RABEP1: variants seen among roughly 807,000 people sequenced by gnomAD.
The protein encoded by RABEP1 is rabaptin, RAB GTPase binding effector protein 1.
RABEP1 carries 51 observed loss-of-function variants against 123.4 expected under a neutral mutation model. The ratio of observed to expected loss-of-function variants is 0.41; its 90% CI spans 0.33 to 0.52. RABEP1 has a LOEUF of 0.52. Among genes scored for constraint, RABEP1 ranks in the 20% least tolerant of loss-of-function variants. RABEP1 has a pLI of 0.16. For missense variants in RABEP1, 888 were observed against 996.3 expected (o/e 0.89, Z 1.46); for synonymous variants, 347 against 355.2 (o/e 0.98, Z 0.26).
At chr17:5,317,087 C>T (rs527319926) in intron 2 of RABEP1, among the ~76,000 whole-genome samples, 1 of 152,052 alleles carries the variant, frequency 6.6e-6, no homozygotes, top group East Asian at 1.9e-4. Flanking sequence ...GGAGGAGACA[C>T]ATCCCCACTT....
rs757266535 is a variant in RABEP1 at position 5,362,940 on chromosome 17, G to C, written c.1592G>C (p.Arg531Thr). Residue 531 changes from arginine to threonine, a missense_variant, in exon 10 of 18, where the codon AGA becomes ACA. Coordinates refer to ENST00000537505, the MANE Select transcript of RABEP1 (RefSeq NM_004703.6). ...CATAATGCTGGAAATAAACTTGGTA[G>C]ACGTTGTGATATGTGTTCCAATTAC... ...EVHNAGNKLG[R>T]RCDMCSNYEK... The C allele has an allele frequency of 1.1e-5, 17 of 1,613,802 alleles. No homozygotes were observed. Among genetic ancestry groups the C allele is most frequent in the Non-Finnish European group, 1.4e-5 (16 of 1,179,812 alleles).
At chr17:5,331,801 G>A (rs1382632867) in intron 2 of RABEP1, 148 bp from the exon 3 acceptor site, 1 of 675,004 alleles carries the variant, frequency 1.5e-6, no homozygotes, top group Non-Finnish European at 2.5e-6. Context: ...ATTGATTTGT[G>A]ATACCCAGCT....
At chr17:5,365,054 T>C in intron 10 of RABEP1, 68 bp from the exon 11 acceptor site, 1 of 890,596 alleles carries the variant, frequency 1.1e-6, no homozygotes. Context: ...AATTCTGGAG[T>C]TAGATTTAAA....
chr17:5,384,560 AAAGTG>A lies in RABEP1; in HGVS notation c.*1340_*1344del. 1 of 216,708 alleles carries A rather than the reference AAAGTG, an allele frequency of 4.6e-6. No individual in the cohort carries two copies. Among genetic ancestry groups the A allele is most frequent in the Non-Finnish European group, 9.3e-6 (1 of 107,846 alleles). The allele number at this position is 216,708 out of a possible 1,614,324, so 13.4% of individuals were successfully genotyped here. A position where few individuals can be genotyped will look rare whatever the true frequency, so the allele number is the denominator to read the frequency against. Reference sequence around the variant, plus strand: ...GTTCACATAACGCCACCATCAACTTAAAGTGAATTGTCTTTGTTATAAATGAGGTC... The same window carrying A: ...GTTCACATAACGCCACCATCAACTTAAATTGTCTTTGTTATAAATGAGGTC... On this transcript the variant is annotated 3_prime_UTR_variant, in exon 18 of 18. Transcript: ENST00000537505.
At chr17:5,285,304 T>C (rs924804213) in intron 1 of RABEP1, among the ~76,000 whole-genome samples, 2 of 151,740 alleles carry the variant, frequency 1.3e-5, no homozygotes, top group Non-Finnish European at 2.9e-5. Flanking sequence ...TTTCTTTTTT[T>C]TTTTTTTCTT....
At chr17:5,380,730 A>G (rs1279985681) in intron 16 of RABEP1, among the ~76,000 whole-genome samples, 3 of 152,256 alleles carry the variant, frequency 2.0e-5, no homozygotes, top group African/African-American at 7.2e-5. Flanking sequence ...GGCACTGCCC[A>G]GTTAGAAGCA....
At chr17:5,354,829 A>G (rs1190728879) in intron 8 of RABEP1, among the ~76,000 whole-genome samples, 1 of 152,214 alleles carries the variant, frequency 6.6e-6, no homozygotes, top group Non-Finnish European at 1.5e-5. Context: ...TTGTTTAAAA[A>G]GAGATTATCT....
intron 2 of RABEP1, among the ~76,000 whole-genome samples, chr17:5,315,651 G>C (rs1043063318): frequency 1.3e-5 from 2 of 152,166 alleles, no homozygotes; most frequent in African/African-American, 2.4e-5. Flanking sequence ...AGGAGTTTGA[G>C]ACCAGCCTGG....
chr17:5,312,576 G>A (rs1363150197), intron 2 of RABEP1, among the ~76,000 whole-genome samples: 3 of 152,148 alleles, frequency 2.0e-5, no homozygotes, highest in Non-Finnish European at 4.4e-5. Flanking sequence ...GTATGGAATG[G>A]AGTTCCATTT....
In RABEP1 at chr17:5,381,404, C is replaced by G. The variant is rs1008070134; in HGVS notation, c.2386C>G (p.Leu796Val). The change falls in exon 17 of 18, where the codon CTA (leucine) becomes GTA (valine). Residue 796 changes from leucine (L) to valine (V), a missense_variant. Transcript: ENST00000537505. Reference sequence around the variant, plus strand: ...TATTTTTTAGGCTACCGTTGAACAACTAATGTTTGAAGAGAAGAATAAAGC... The same window carrying G: ...TATTTTTTAGGCTACCGTTGAACAAGTAATGTTTGAAGAGAAGAATAAAGC... Reference protein sequence around the residue: ...ETAAKATVEQLMFEEKNKAQR... With the variant: ...ETAAKATVEQVMFEEKNKAQR... 6.2e-7 allele frequency: 1 copy of G among 1,612,962 alleles called. No individual in the cohort carries two copies. The highest frequency in any genetic ancestry group is 8.5e-7 in the Non-Finnish European group (1 of 1,179,578).
At position 5,335,289 on chromosome 17, in the gene RABEP1, G is replaced by A. The variant is rs747127150; in HGVS notation, c.473G>A (p.Arg158Lys). ...GCAGAGAGGGAAATAGCTGATTTAA[G>A]AAGAAGGCTGTCTGAAGGTCAAGAG... is the stretch of plus-strand genomic sequence containing the variant. ...ESAEREIADL[R>K]RRLSEGQEEE... The change falls in exon 4 of 18, where the codon AGA (arginine) becomes AAA (lysine). Residue 158 changes from arginine (R) to lysine (K), a missense_variant. Arg to Lys is a conservative substitution (Grantham distance 26, BLOSUM62 2). Transcript: ENST00000537505. 16 of 1,613,942 alleles carry A rather than the reference G, an allele frequency of 9.9e-6. No homozygotes were observed. Among genetic ancestry groups the A allele is most frequent in the Non-Finnish European group, 1.3e-5 (15 of 1,179,930 alleles).
intron 14 of RABEP1, 33 bp from the exon 15 acceptor site, chr17:5,378,144 G>T: frequency 6.7e-7 from 1 of 1,488,664 alleles, no homozygotes; most frequent in South Asian, 1.2e-5. Flanking sequence ...AATAATAGAT[G>T]AATGCTAATA....
At chr17:5,320,833 C>T (rs967835804) in intron 2 of RABEP1, among the ~76,000 whole-genome samples, 2 of 152,020 alleles carry the variant, frequency 1.3e-5, no homozygotes, top group African/African-American at 4.8e-5. Context: ...AATCACTTAG[C>T]CCCAAAGACA....
At chr17:5,364,186 A>G (rs570794168) in intron 10 of RABEP1, 4 of 152,362 alleles carry the variant, frequency 2.6e-5, no homozygotes, top group East Asian at 1.9e-4. Flanking sequence ...AATGGTTTTC[A>G]TAAACATTTC....
intron 2 of RABEP1, among the ~76,000 whole-genome samples, chr17:5,330,225 A>G (rs1217513333): frequency 6.6e-6 from 1 of 152,200 alleles, no homozygotes. Context: ...TTGCATGCCT[A>G]CCACAACTTC....
At chr17:5,300,748 A>G (rs980374108) in intron 1 of RABEP1, among the ~76,000 whole-genome samples, 3 of 152,178 alleles carry the variant, frequency 2.0e-5, no homozygotes, top group African/African-American at 7.2e-5. Flanking sequence ...GAGTGACAGT[A>G]TGTTTTGCCC....
intron 5 of RABEP1, among the ~76,000 whole-genome samples, chr17:5,344,644 C>T (rs531872563): frequency 6.6e-6 from 1 of 151,466 alleles, no homozygotes; most frequent in Admixed American, 6.6e-5. Context: ...TGGTGGCGGG[C>T]ACCTGTAGTC....
At chr17:5,342,970 C>T (rs1320563910) in intron 5 of RABEP1, among the ~76,000 whole-genome samples, 1 of 152,084 alleles carries the variant, frequency 6.6e-6, no homozygotes, top group Non-Finnish European at 1.5e-5. Context: ...TTAAAAAATA[C>T]CCTTTTTGGC....
intron 13 of RABEP1, among the ~76,000 whole-genome samples, chr17:5,376,296 C>G (rs1386599799): frequency 6.6e-6 from 1 of 152,054 alleles, no homozygotes; most frequent in African/African-American, 2.4e-5. Context: ...ACTCCATACT[C>G]CAGTCTGGGT....
Sources: gnomAD v4.1 joint callset for allele counts (sites outside exome capture counted in the v4.1 genomes callset) on GRCh38, gnomAD v4.1.1 for gene constraint, MANE v1.5 for transcripts, NCBI Gene and HGNC (gene_info 2026-07-23, HGNC 2026-07-21) for gene names.